Variants in CTNNA2 observed in about 807,000 individuals in gnomAD.
CTNNA2 encodes the protein catenin alpha 2, also known as catenin alpha-2.
CTNNA2 carries 42 observed loss-of-function variants against 101.0 expected under a neutral mutation model. The observed-to-expected ratio is 0.42, with a 90% confidence interval of 0.32 to 0.54. CTNNA2 has a LOEUF of 0.54. Among genes scored for constraint, CTNNA2 ranks in the 20% least tolerant of loss-of-function variants. The probability of loss-of-function intolerance (pLI) is 0.14; values close to 1 mark genes in which losing one functional copy is unlikely to be tolerated. For synonymous variants in CTNNA2, 450 were observed against 456.4 expected, an observed-to-expected ratio of 0.99 and a Z score of 0.18; for missense variants, 871 against 1,223.1, an observed-to-expected ratio of 0.71 and a Z score of 4.29.
chr2:80,410,885 A>C (rs1252123244), intron 8 of CTNNA2, among the ~76,000 whole-genome samples: 3 of 152,186 alleles, frequency 2.0e-5, no homozygotes, highest in African/African-American at 7.2e-5. Context: ...TATGGAAAAG[A>C]TGTATTTAAG....
chr2:80,012,215 C>A (rs1222722375), intron 7 of CTNNA2, among the ~76,000 whole-genome samples: 1 of 152,142 alleles, frequency 6.6e-6, no homozygotes, highest in Non-Finnish European at 1.5e-5. Context: ...TTGATAAACA[C>A]ATGAGGGTTC....
intron 3 of CTNNA2, among the ~76,000 whole-genome samples, chr2:79,783,460 C>T (rs1264673890): frequency 2.6e-5 from 4 of 152,188 alleles, no homozygotes; most frequent in African/African-American, 9.7e-5. Flanking sequence ...ACTTATTTCT[C>T]TCTTCTCTGA....
chr2:80,415,002 G>A (rs1017780978), intron 8 of CTNNA2, among the ~76,000 whole-genome samples: 8 of 152,122 alleles, frequency 5.3e-5, no homozygotes, highest in African/African-American at 1.9e-4. Context: ...CTAGTAGAAA[G>A]GATCTAAATA....
Position 80,020,763 on chromosome 2 carries a change from A to G in CTNNA2, c.1056+110966A>G, listed in dbSNP as rs1427919798. On this transcript the variant is annotated intron_variant, in intron 7 of 18. Coordinates refer to ENST00000402739, the MANE Select transcript of CTNNA2 (RefSeq NM_001282597.3). ...TTCTACTCTGAATTTGGCATATCCC[A>G]CCAATTACTGCATGCACAATTAATC... 3.3e-5 allele frequency among the ~76,000 whole-genome samples: 5 copies of G among 152,092 alleles called. No homozygotes were observed. The East Asian group carries it at 9.7e-4, about 29-fold the overall frequency.
chr2:79,714,721 A>G (rs746803606), intron 2 of CTNNA2, among the ~76,000 whole-genome samples: 1 of 152,174 alleles, frequency 6.6e-6, no homozygotes, highest in Non-Finnish European at 1.5e-5. Context: ...TTATCCAGTC[A>G]TGACAGGATG....
chr2:79,965,668 A>G (rs1360699516), intron 7 of CTNNA2, among the ~76,000 whole-genome samples: 1 of 151,986 alleles, frequency 6.6e-6, no homozygotes, highest in African/African-American at 2.4e-5. Flanking sequence ...TACTACAAAT[A>G]CAAAAATTAG....
At position 79,579,838 on chromosome 2, in the gene CTNNA2, T is replaced by G. The variant is rs563991594; in HGVS notation, c.-6+66631T>G. On this transcript the variant is annotated intron_variant, in intron 1 of 18. Coordinates refer to ENST00000402739, the MANE Select transcript of CTNNA2 (RefSeq NM_001282597.3). The stretch of plus-strand genomic sequence containing the variant: ...CATGTTGGTCAGGCTGGTCTTAAAC[T>G]CCTGACCTCAGGGGATCCACCTGCC... Among the ~76,000 whole-genome samples the G allele has an allele frequency of 1.2e-4, 18 of 152,188 alleles. No homozygotes were observed. The East Asian group carries it at 3.3e-3, about 28-fold the overall frequency.
chr2:79,312,122 T>A (rs1676388956), intron 2 of CTNNA2, among the ~76,000 whole-genome samples: 1 of 152,040 alleles, frequency 6.6e-6, no homozygotes, highest in Non-Finnish European at 1.5e-5. Context: ...TTGCCCAGGC[T>A]GCACTAAAAC....
intron 2 of CTNNA2, among the ~76,000 whole-genome samples, chr2:79,209,053 C>T (rs536020706): frequency 1.8e-4 from 27 of 152,144 alleles, no homozygotes; most frequent in Admixed American, 3.9e-4. Flanking sequence ...TGGTGGCTCA[C>T]GCTTGTAATC....
chr2:80,468,756 C>T (rs937951865), intron 9 of CTNNA2, among the ~76,000 whole-genome samples: 18 of 152,082 alleles, frequency 1.2e-4, no homozygotes, highest in South Asian at 6.2e-4. Flanking sequence ...TTTCTGTAGA[C>T]GCAGAATTCA....
intron 14 of CTNNA2, chr2:80,586,511 A>G (rs1695983288): frequency 6.6e-6 from 1 of 152,266 alleles, no homozygotes; most frequent in Non-Finnish European, 1.5e-5. Flanking sequence ...AGGACAATAA[A>G]CCAAAAACAG....
chr2:80,136,569 C>T (rs535404797), intron 7 of CTNNA2, among the ~76,000 whole-genome samples: 8 of 152,238 alleles, frequency 5.3e-5, no homozygotes, highest in South Asian at 2.1e-4. Flanking sequence ...TTTTGTGTTG[C>T]GTTCTGAGCT....
chr2:79,441,352 T>C (rs529342672), intron 4 of CTNNA2, among the ~76,000 whole-genome samples: 1 of 152,320 alleles, frequency 6.6e-6, no homozygotes, highest in African/African-American at 2.4e-5. Context: ...ATTGTATTTT[T>C]ATGGTTTCAT....
At chr2:80,583,723 A>G (rs573658841) in intron 14 of CTNNA2, among the ~76,000 whole-genome samples, 1 of 152,176 alleles carries the variant, frequency 6.6e-6, no homozygotes, top group Non-Finnish European at 1.5e-5. Flanking sequence ...ATAGAGTCGC[A>G]ATATACTTCT....
intron 2 of CTNNA2, among the ~76,000 whole-genome samples, chr2:79,218,453 G>T (rs1674298240): frequency 6.6e-6 from 1 of 151,982 alleles, no homozygotes; most frequent in South Asian, 2.1e-4. Context: ...AAAGAGCTGG[G>T]ATTATAGGCG....
At chr2:79,358,868 C>A (rs1677565633) in intron 3 of CTNNA2, among the ~76,000 whole-genome samples, 1 of 152,164 alleles carries the variant, frequency 6.6e-6, no homozygotes, top group Non-Finnish European at 1.5e-5. Flanking sequence ...CCAATCCCAA[C>A]ATTCAGAGAC....
chr2:80,505,790 G>T (rs990755826), intron 9 of CTNNA2, among the ~76,000 whole-genome samples: 2 of 152,048 alleles, frequency 1.3e-5, no homozygotes, highest in African/African-American at 4.8e-5. Context: ...AATATACTTG[G>T]ATATGAAAAT....
At chr2:80,098,860 C>T (rs1700353126) in intron 7 of CTNNA2, among the ~76,000 whole-genome samples, 1 of 152,148 alleles carries the variant, frequency 6.6e-6, no homozygotes, top group Non-Finnish European at 1.5e-5. Context: ...TGGAAAAGCG[C>T]AGTATTCGGG....
chr2:80,114,519 T>C (rs1003854090), intron 7 of CTNNA2, among the ~76,000 whole-genome samples: 6 of 152,208 alleles, frequency 3.9e-5, no homozygotes, highest in African/African-American at 1.4e-4. Context: ...TCTGCTCATC[T>C]GACACCAAAA....
Sources: gnomAD v4.1 joint callset for allele counts (sites outside exome capture counted in the v4.1 genomes callset) on GRCh38, gnomAD v4.1.1 for gene constraint, MANE v1.5 for transcripts, NCBI Gene and HGNC (gene_info 2026-07-23, HGNC 2026-07-21) for gene names.